SAMD3: variants seen among roughly 807,000 people sequenced by gnomAD.
SAMD3 encodes the protein sterile alpha motif domain-containing protein 3.
A neutral mutation model predicts 58.5 loss-of-function variants in SAMD3; 63 were observed. The observed-to-expected ratio is 1.08, with a 90% confidence interval of 0.88 to 1.33. The LOEUF (loss-of-function observed/expected upper bound fraction) is 1.33. Among genes scored for constraint, SAMD3 ranks in the 40% most tolerant of loss-of-function variants. The pLI, the probability that SAMD3 is intolerant of heterozygous loss-of-function variation, is 0.00. For missense variants in SAMD3, 604 were observed against 608.4 expected (o/e 0.99, Z 0.08); for synonymous variants, 220 against 210.3 (o/e 1.05, Z -0.40).
At chr6:130,277,676 T>C (rs1347981379) in intron 2 of SAMD3, among the ~76,000 whole-genome samples, 1 of 152,186 alleles carries the variant, frequency 6.6e-6, no homozygotes, top group Non-Finnish European at 1.5e-5. Context: ...TGGATGTTCT[T>C]CCTTGGTTCT....
At chr6:130,271,856 C>T (rs987916758) in intron 2 of SAMD3, among the ~76,000 whole-genome samples, 4 of 152,128 alleles carry the variant, frequency 2.6e-5, no homozygotes, top group Non-Finnish European at 5.9e-5. Flanking sequence ...CAGGGGAACT[C>T]TCATTTATAA....
intron 8 of SAMD3, among the ~76,000 whole-genome samples, chr6:130,167,464 A>G (rs1031384710): frequency 6.6e-6 from 1 of 152,208 alleles, no homozygotes; most frequent in African/African-American, 2.4e-5. Context: ...ACAAAAAAAT[A>G]CTACTGTATA....
chr6:130,266,816 C>T (rs201094371), intron 2 of SAMD3, among the ~76,000 whole-genome samples: 24 of 152,278 alleles, frequency 1.6e-4, no homozygotes, highest in East Asian at 7.7e-4. Context: ...TTGCGAAAAG[C>T]GAAGCATAGC....
chr6:130,290,170 G>T (rs960525458), intron 2 of SAMD3, among the ~76,000 whole-genome samples: 2 of 152,192 alleles, frequency 1.3e-5, no homozygotes, highest in African/African-American at 4.8e-5. Flanking sequence ...GTGTGTGTGT[G>T]TGTGTATTCA....
rs12209825 is a variant in SAMD3 at position 130,233,170 on chromosome 6, A to G, written c.-187-10357T>C. Among the ~76,000 whole-genome samples the G allele has an allele frequency of 7.3e-3, 1,112 of 152,294 alleles. 14 individuals are homozygous for G. The highest frequency in any genetic ancestry group is 0.011 in the Non-Finnish European group (728 of 68,018). On this transcript the variant is annotated intron_variant, in intron 2 of 13. Transcript: ENST00000368134. ...CACTTCTGGCTAGCTGGGTGGCTAC[A>G]AATTTGTGGATTTCCATGACCACAC...
chr6:130,336,031 G>A (rs1777089506), intron 1 of SAMD3, among the ~76,000 whole-genome samples: 1 of 152,126 alleles, frequency 6.6e-6, no homozygotes, highest in Non-Finnish European at 1.5e-5. Flanking sequence ...GGGGAAGTGG[G>A]GAGGGATAGC....
intron 2 of SAMD3, among the ~76,000 whole-genome samples, chr6:130,292,247 G>A (rs1472560824): frequency 6.6e-6 from 1 of 150,822 alleles, no homozygotes; most frequent in Non-Finnish European, 1.5e-5. Context: ...CAATTCTCAG[G>A]AATAACTTTT....
intron 5 of SAMD3, among the ~76,000 whole-genome samples, chr6:130,196,409 C>A (rs1317696929): frequency 6.6e-6 from 1 of 152,180 alleles, no homozygotes; most frequent in African/African-American, 2.4e-5. Context: ...GATACCACAC[C>A]TGACCCTCAT....
At chr6:130,330,990 G>A (rs1386793171) in intron 1 of SAMD3, among the ~76,000 whole-genome samples, 1 of 152,128 alleles carries the variant, frequency 6.6e-6, no homozygotes, top group Non-Finnish European at 1.5e-5. Context: ...TCATTTTAAG[G>A]GATAGGATAT....
chr6:130,248,654 C>T (rs1305077976), intron 2 of SAMD3, among the ~76,000 whole-genome samples: 6 of 152,256 alleles, frequency 3.9e-5, no homozygotes, highest in South Asian at 4.1e-4. Context: ...GCAAGGAAGA[C>T]GCTCCAAGCA....
chr6:130,337,739 T>G (rs1777146976), intron 1 of SAMD3, among the ~76,000 whole-genome samples: 1 of 152,322 alleles, frequency 6.6e-6, no homozygotes, highest in East Asian at 1.9e-4. Context: ...AAGGTTACTC[T>G]TGCTGTGCTT....
At chr6:130,194,608 C>T (rs1052362347) in intron 5 of SAMD3, among the ~76,000 whole-genome samples, 2 of 152,242 alleles carry the variant, frequency 1.3e-5, no homozygotes, top group African/African-American at 2.4e-5. Context: ...CTCCCAGGAG[C>T]TTGCTACAAG....
chr6:130,299,505 T>A (rs1775677455), intron 2 of SAMD3, among the ~76,000 whole-genome samples: 1 of 151,810 alleles, frequency 6.6e-6, no homozygotes, highest in African/African-American at 2.4e-5. Flanking sequence ...AATGCCGACA[T>A]CACAAAGAGA....
chr6:130,149,697 C>T (rs1788962349), intron 9 of SAMD3, among the ~76,000 whole-genome samples: 1 of 152,048 alleles, frequency 6.6e-6, no homozygotes, highest in Non-Finnish European at 1.5e-5. Flanking sequence ...AACAATAGAC[C>T]CCGGAGTCCA....
rs11375395 is a variant in SAMD3, at chr6:130,200,557, C to CAAAAAA, written c.383+8932_383+8937dup. 2.1e-5 allele frequency among the ~76,000 whole-genome samples: 2 copies of CAAAAAA among 97,210 alleles called. 1 individual carries two copies. Among genetic ancestry groups the CAAAAAA allele is most frequent in the Non-Finnish European group, 3.8e-5 (2 of 52,020 alleles). The allele number at this position is 97,210 out of a possible 152,430, so 63.8% of individuals were successfully genotyped here. On this transcript the variant is annotated intron_variant, in intron 5 of 11. Coordinates refer to ENST00000439090, the MANE Select transcript of SAMD3 (RefSeq NM_001017373.4). ...GAGCCAGACTCTGTCCCCCGACCCACAAAAAAAAAAAAAAAAAAAAAGGGG... is the reference window on the plus strand; with the variant it reads ...GAGCCAGACTCTGTCCCCCGACCCACAAAAAAAAAAAAAAAAAAAAAAAAAAAGGGG...
intron 8 of SAMD3, among the ~76,000 whole-genome samples, chr6:130,165,440 C>G (rs894967263): frequency 5.9e-5 from 9 of 152,094 alleles, no homozygotes; most frequent in African/African-American, 2.2e-4. Flanking sequence ...AGCCAAGGCT[C>G]CAGCTGAGAT....
chr6:130,363,046 T>C (rs935508189), intron 1 of SAMD3, among the ~76,000 whole-genome samples: 3 of 152,240 alleles, frequency 2.0e-5, no homozygotes, highest in African/African-American at 7.2e-5. Context: ...ATTTTCTTTA[T>C]TGACTTTACC....
intron 2 of SAMD3, among the ~76,000 whole-genome samples, chr6:130,274,833 C>T (rs1774717970): frequency 6.6e-6 from 1 of 151,676 alleles, no homozygotes; most frequent in Admixed American, 6.6e-5. Context: ...AGTCCCTCTC[C>T]CTTTATATTT....
chr6:130,306,368 CA>C (rs1237449013), intron 2 of SAMD3, among the ~76,000 whole-genome samples: 1 of 152,042 alleles, frequency 6.6e-6, no homozygotes, highest in Non-Finnish European at 1.5e-5. Context: ...ATTAATTACC[CA>C]ATGAAGGTAA....
Sources: allele counts gnomAD v4.1 joint callset (sites outside exome capture counted in the v4.1 genomes callset), GRCh38; gene constraint gnomAD v4.1.1; transcripts MANE v1.5; gene names NCBI Gene and HGNC (gene_info 2026-07-23, HGNC 2026-07-21).